The following ROBO2 variants were observed in gnomAD, a reference collection of about 807,000 sequenced individuals.
ROBO2 encodes roundabout homolog 2.
ROBO2 carries 53 observed loss-of-function variants against 160.8 expected under a neutral mutation model. The observed-to-expected ratio is 0.33, with a 90% CI of 0.26 to 0.41. ROBO2 has a LOEUF of 0.41. Ranked by LOEUF, ROBO2 falls within the 10% of genes least tolerant of loss-of-function variation. The pLI, the probability that ROBO2 is intolerant of heterozygous loss-of-function variation, is 1.00. For synonymous variants in ROBO2, 664 were observed against 611.7 expected, an observed-to-expected ratio of 1.09 and a Z score of -1.26; for missense variants, 1,577 against 1,722.4, an observed-to-expected ratio of 0.92 and a Z score of 1.49.
intron 2 of ROBO2, among the ~76,000 whole-genome samples, chr3:76,752,167 T>G (rs991733831): frequency 6.6e-5 from 10 of 151,952 alleles, no homozygotes; most frequent in Non-Finnish European, 1.3e-4. Context: ...CCAGAAACCA[T>G]CATTCTGAAC....
At chr3:76,692,901 A>C (rs750671826) in intron 2 of ROBO2, among the ~76,000 whole-genome samples, 140 of 151,544 alleles carry the variant, frequency 9.2e-4, no homozygotes, top group Non-Finnish European at 1.5e-3. Flanking sequence ...CTCTCTCTCT[A>C]TATATATAGT....
chr3:77,436,204 G>A (rs926062911), intron 2 of ROBO2, among the ~76,000 whole-genome samples: 7 of 151,480 alleles, frequency 4.6e-5, no homozygotes, highest in African/African-American at 7.3e-5. Flanking sequence ...GCTGATGAGA[G>A]ATTGAGAGAT....
At chr3:77,026,720 A>C (rs565008230) in intron 2 of ROBO2, among the ~76,000 whole-genome samples, 1 of 152,360 alleles carries the variant, frequency 6.6e-6, no homozygotes, top group African/African-American at 2.4e-5. Flanking sequence ...ATGGAACTAA[A>C]GTTCAGAAAA....
chr3:77,022,140 C>T (rs2062676420), intron 2 of ROBO2, among the ~76,000 whole-genome samples: 2 of 151,682 alleles, frequency 1.3e-5, no homozygotes, highest in African/African-American at 2.4e-5. Flanking sequence ...GAAGCCGAGG[C>T]AGGCAGATCA....
intron 2 of ROBO2, among the ~76,000 whole-genome samples, chr3:77,030,273 G>T (rs2063239907): frequency 6.6e-6 from 1 of 152,104 alleles, no homozygotes; most frequent in African/African-American, 2.4e-5. Context: ...AACTAAAATA[G>T]ATTTTTTTAA....
At chr3:77,514,480 C>T (rs547570579) in intron 5 of ROBO2, among the ~76,000 whole-genome samples, 9 of 151,790 alleles carry the variant, frequency 5.9e-5, no homozygotes, top group South Asian at 2.1e-4. Context: ...ACACACACAT[C>T]CAATAGAAAA....
intron 2 of ROBO2, among the ~76,000 whole-genome samples, chr3:76,456,781 G>C (rs13066869): frequency 6.6e-6 from 1 of 151,964 alleles, no homozygotes; most frequent in Non-Finnish European, 1.5e-5. Flanking sequence ...TGGACTTACA[G>C]TTCCACATGG....
chr3:76,451,066 G>C (rs2077452302), intron 2 of ROBO2, among the ~76,000 whole-genome samples: 1 of 152,002 alleles, frequency 6.6e-6, no homozygotes, highest in Non-Finnish European at 1.5e-5. Flanking sequence ...AGGCCTCTTT[G>C]GTAGGTTGTG....
chr3:75,998,027 C>G (rs1312327436), intron 2 of ROBO2, among the ~76,000 whole-genome samples: 3 of 152,130 alleles, frequency 2.0e-5, no homozygotes, highest in African/African-American at 7.2e-5. Context: ...TTATAAAACT[C>G]TGACTGAAGA....
chr3:77,207,922 G>A (rs1432938062), intron 2 of ROBO2, among the ~76,000 whole-genome samples: 1 of 152,166 alleles, frequency 6.6e-6, no homozygotes, highest in Non-Finnish European at 1.5e-5. Flanking sequence ...TCTTGCTCTT[G>A]AGAATTGATT....
At chr3:76,651,573 C>T (rs2091260527) in intron 2 of ROBO2, among the ~76,000 whole-genome samples, 1 of 151,436 alleles carries the variant, frequency 6.6e-6, no homozygotes, top group Non-Finnish European at 1.5e-5. Flanking sequence ...AAGAGTGGCC[C>T]TCCAGCCCTA....
At position 76,220,090 on chromosome 3, in the gene ROBO2, C is replaced by G. The variant is rs553805527; in HGVS notation, c.109+282488C>G. Among the ~76,000 whole-genome samples the G allele has an allele frequency of 1.2e-3, 178 of 150,774 alleles. 1 individual carries two copies. Among genetic ancestry groups the G allele is most frequent in the African/African-American group, 4.1e-3 (167 of 40,988 alleles). ...ACTATGGCAAGGACAAAAAACCAAACACCGCATGTTCTCACTCATAGGTGG... is the reference window on the plus strand; with the variant it reads ...ACTATGGCAAGGACAAAAAACCAAAGACCGCATGTTCTCACTCATAGGTGG... On this transcript the variant is annotated intron_variant, in intron 2 of 26. Transcript: ENST00000487694.
intron 2 of ROBO2, among the ~76,000 whole-genome samples, chr3:76,417,655 A>G (rs1432232756): frequency 6.6e-6 from 1 of 152,100 alleles, no homozygotes; most frequent in Non-Finnish European, 1.5e-5. Flanking sequence ...CTTGTAATAC[A>G]AGTTGAAAGG....
At chr3:77,218,189 A>G (rs1168775051) in intron 2 of ROBO2, among the ~76,000 whole-genome samples, 1 of 151,978 alleles carries the variant, frequency 6.6e-6, no homozygotes, top group East Asian at 1.9e-4. Context: ...CTTTCACTGG[A>G]CTGGGTATTA....
chr3:76,264,078 G>A (rs35069315), intron 2 of ROBO2, among the ~76,000 whole-genome samples: 119,094 of 151,900 alleles, frequency 0.78, 49,002 homozygotes, highest in Non-Finnish European at 0.93. Context: ...AGGGAGTGAG[G>A]AGCCAGAGGA....
intron 2 of ROBO2, among the ~76,000 whole-genome samples, chr3:76,319,393 A>G (rs1275477841): frequency 4.6e-5 from 7 of 152,070 alleles, no homozygotes; most frequent in Non-Finnish European, 8.8e-5. Flanking sequence ...ACTATTCTAT[A>G]TATGGATTCT....
At chr3:76,462,906 G>A (rs2078163081) in intron 2 of ROBO2, among the ~76,000 whole-genome samples, 1 of 152,062 alleles carries the variant, frequency 6.6e-6, no homozygotes, top group Non-Finnish European at 1.5e-5. Flanking sequence ...CCCTCTTTGG[G>A]CAAATTTTAC....
chr3:77,123,951 GATAGATATGTAGATAATCTATCTAT>G (rs372272444), intron 2 of ROBO2, among the ~76,000 whole-genome samples: 105 of 149,010 alleles, frequency 7.0e-4, no homozygotes, highest in Non-Finnish European at 1.2e-3. Flanking sequence ...TATCTATATA[GATAGATATGTAGATAATCTATCTAT>G]ATAGATATAT....
chr3:76,934,228 A>T (rs2077538465), intron 2 of ROBO2, among the ~76,000 whole-genome samples: 1 of 150,602 alleles, frequency 6.6e-6, no homozygotes, highest in Non-Finnish European at 1.5e-5. Context: ...AAAAAGATTA[A>T]ACCACTTTTT....
Sources: gnomAD v4.1 joint callset for allele counts (sites outside exome capture counted in the v4.1 genomes callset) on GRCh38, gnomAD v4.1.1 for gene constraint, MANE v1.5 for transcripts, NCBI Gene and HGNC (gene_info 2026-07-23, HGNC 2026-07-21) for gene names.